Variants in ATP10D observed in about 807,000 individuals in gnomAD.
The protein encoded by ATP10D is phospholipid-transporting ATPase VD.
In ATP10D, 89 loss-of-function variants were observed where a neutral mutation model predicts 144.8. That is an observed-to-expected ratio of 0.61 (90% confidence interval 0.52 to 0.73). ATP10D has a LOEUF of 0.73. Ranked by LOEUF, ATP10D falls within the 30% of genes least tolerant of loss-of-function variation. ATP10D has a pLI of 0.00. For synonymous variants in ATP10D, 571 were observed against 615.1 expected (o/e 0.93, Z 1.06); for missense variants, 1,603 against 1,714.8 (o/e 0.93, Z 1.15).
chr4:47,505,579 CA>C (rs1057170354), intron 1 of ATP10D, among the ~76,000 whole-genome samples: 3 of 151,768 alleles, frequency 2.0e-5, no homozygotes, highest in Admixed American at 1.3e-4. Flanking sequence ...CAGGAAACAA[CA>C]AAAAAATTAG....
chr4:47,554,235 T>A (rs1162516266), intron 10 of ATP10D, among the ~76,000 whole-genome samples: 1 of 152,216 alleles, frequency 6.6e-6, no homozygotes, highest in Non-Finnish European at 1.5e-5. Flanking sequence ...TTAGCCTGCT[T>A]ATAATCATTT....
chr4:47,576,515 G>A (rs73815717), intron 18 of ATP10D, among the ~76,000 whole-genome samples: 3 of 152,272 alleles, frequency 2.0e-5, no homozygotes, highest in African/African-American at 7.2e-5. Flanking sequence ...ATGATTAAAT[G>A]AATTATTCCT....
At chr4:47,528,507 GTGTGTGTA>G (rs1467233838) in intron 5 of ATP10D, among the ~76,000 whole-genome samples, 6 of 32,674 alleles carry the variant, frequency 1.8e-4, no homozygotes, top group African/African-American at 5.7e-4. Context: ...GTGTGTGTGT[GTGTGTGTA>G]TATATATATA....
chr4:47,590,121 T>C (rs545495458), intron 22 of ATP10D, among the ~76,000 whole-genome samples: 3 of 152,246 alleles, frequency 2.0e-5, no homozygotes, highest in East Asian at 3.9e-4. Context: ...TTTCAAATAC[T>C]GGCAGAAAAA....
At chr4:47,508,045 A>T (rs1421903265) in intron 1 of ATP10D, among the ~76,000 whole-genome samples, 1 of 152,186 alleles carries the variant, frequency 6.6e-6, no homozygotes, top group African/African-American at 2.4e-5. Context: ...AGATCCTCTA[A>T]ATCAGAATCT....
At chr4:47,512,406 G>C (rs73237074) in intron 1 of ATP10D, 98 bp from the exon 2 acceptor site, 9 of 744,086 alleles carry the variant, frequency 1.2e-5, no homozygotes, top group Non-Finnish European at 1.5e-5. Flanking sequence ...TGAACCATTG[G>C]GTCATATATT....
intron 2 of ATP10D, among the ~76,000 whole-genome samples, chr4:47,514,708 G>T (rs1716540150): frequency 6.6e-6 from 1 of 152,076 alleles, no homozygotes; most frequent in South Asian, 2.1e-4. Context: ...AGAAGAGTTA[G>T]TCACAAGAGA....
intron 10 of ATP10D, among the ~76,000 whole-genome samples, chr4:47,549,176 ATCT>A (rs1156873826): frequency 1.3e-5 from 2 of 152,206 alleles, no homozygotes; most frequent in Non-Finnish European, 2.9e-5. Context: ...TGCATCTTTA[ATCT>A]TCTGGAGTTT....
chr4:47,494,371 T>TA (rs1162255884), intron 1 of ATP10D, among the ~76,000 whole-genome samples: 3 of 152,114 alleles, frequency 2.0e-5, no homozygotes, highest in Admixed American at 6.5e-5. Flanking sequence ...TAAGGAACGA[T>TA]ACGCCTACTG....
intron 9 of ATP10D, among the ~76,000 whole-genome samples, chr4:47,545,214 AAAG>A (rs1467947697): frequency 6.6e-6 from 1 of 152,208 alleles, no homozygotes; most frequent in African/African-American, 2.4e-5. Context: ...CAAAGTAAAG[AAAG>A]AAGGCCAGTG....
intron 10 of ATP10D, among the ~76,000 whole-genome samples, chr4:47,549,340 C>T (rs1251280948): frequency 3.9e-5 from 6 of 152,208 alleles, no homozygotes; most frequent in Admixed American, 3.3e-4. Flanking sequence ...TTCCATCTCT[C>T]CCTTGTCTCT....
rs1719256347 is a variant in ATP10D, at chr4:47,560,808, A to G, written c.2542-141A>G. ...AAGCTAGTGTCCAGGTGGTGTGAGGATATGGATCTGACATGGCTGTGCCCA... is the reference window on the plus strand; with the variant it reads ...AAGCTAGTGTCCAGGTGGTGTGAGGGTATGGATCTGACATGGCTGTGCCCA... On this transcript the variant is annotated intron_variant, in intron 13 of 22. Transcript: ENST00000273859. The G allele has an allele frequency of 3.0e-6, 3 of 999,280 alleles. No individual in the cohort carries two copies. In the South Asian group the frequency reaches 4.6e-5, roughly 15 times the overall value. 61.9% of individuals were successfully genotyped at this position (999,280 alleles called of 1,614,324 possible).
Position 47,522,974 on chromosome 4 carries a change from G to A in ATP10D, c.486-38G>A, listed in dbSNP as rs186347729. 8.3e-5 allele frequency: 124 copies of A among 1,485,124 alleles called. No individual in the cohort carries two copies. In the African/African-American group the frequency reaches 1.5e-3, roughly 18 times the overall value. 92.0% of individuals were successfully genotyped at this position (1,485,124 alleles called of 1,614,324 possible). ...AAAACATTGTATGTATTTTTCACTT[G>A]ATATTCTTTTTTTTTTTTAACTTTT... On this transcript the variant is annotated intron_variant, in intron 3 of 22. Coordinates refer to ENST00000273859, the MANE Select transcript of ATP10D (RefSeq NM_020453.4).
chr4:47,587,114 A>G lies in ATP10D; in HGVS notation c.3849A>G (p.Pro1283=), dbSNP rs139060230. Residue 1283 remains proline, a synonymous_variant, in exon 22 of 23, where the codon CCA becomes CCG. Transcript: ENST00000273859. ...FGAMCVTCNP[P]SNPYWIMQEH... ...CCATGTGTGTAACTTGCAACCCACCATCCAACCCTTACTGGATTATGCAGG... is the reference window on the plus strand; with the variant it reads ...CCATGTGTGTAACTTGCAACCCACCGTCCAACCCTTACTGGATTATGCAGG... The G allele has an allele frequency of 1.8e-4, 287 of 1,614,080 alleles. 1 individual carries two copies. In the African/African-American group the frequency reaches 3.6e-3, roughly 20 times the overall value.
intron 13 of ATP10D, among the ~76,000 whole-genome samples, chr4:47,559,754 A>C (rs1018076516): frequency 1.3e-5 from 2 of 152,098 alleles, no homozygotes; most frequent in African/African-American, 4.8e-5. Flanking sequence ...TCACGCCTGT[A>C]ATCAGGAGGC....
chr4:47,486,491 A>C (rs1378538288), intron 1 of ATP10D, among the ~76,000 whole-genome samples: 1 of 152,234 alleles, frequency 6.6e-6, no homozygotes, highest in African/African-American at 2.4e-5. Context: ...ATTTACTTGT[A>C]TCAGCCTTTA....
chr4:47,507,273 T>C (rs1716066022), intron 1 of ATP10D, among the ~76,000 whole-genome samples: 1 of 152,186 alleles, frequency 6.6e-6, no homozygotes, highest in Non-Finnish European at 1.5e-5. Flanking sequence ...TAAGTGCTTT[T>C]TATATATTAA....
intron 1 of ATP10D, chr4:47,490,818 T>C (rs1161185347): frequency 3.0e-6 from 1 of 335,696 alleles, no homozygotes; most frequent in Non-Finnish European, 5.6e-6. Context: ...ATCCTACTCC[T>C]TGTTAGGTAA....
intron 1 of ATP10D, 75 bp from the exon 2 acceptor site, chr4:47,512,428 GA>G: frequency 1.0e-6 from 1 of 977,054 alleles, no homozygotes; most frequent in Non-Finnish European, 1.5e-6. Context: ...ATTTGGTATA[GA>G]AAAAATATTA....
Sources: allele counts gnomAD v4.1 joint callset (sites outside exome capture counted in the v4.1 genomes callset), GRCh38; gene constraint gnomAD v4.1.1; transcripts MANE v1.5; gene names NCBI Gene and HGNC (gene_info 2026-07-23, HGNC 2026-07-21).